The following TEX11 variants were observed in gnomAD, a reference collection of about 807,000 sequenced individuals.
TEX11 encodes testis-expressed protein 11.
A neutral mutation model predicts 84.4 loss-of-function variants in TEX11; 7 were observed. The observed-to-expected ratio is 0.08, with a 90% CI of 0.05 to 0.16. The LOEUF (loss-of-function observed/expected upper bound fraction) is 0.16, where lower values mean the gene tolerates loss of function less well. Ranked by LOEUF, TEX11 falls within the 10% of genes least tolerant of loss-of-function variation. TEX11 has a pLI of 1.00. For synonymous variants in TEX11, 264 were observed against 222.8 expected (o/e 1.18, Z -1.64); for missense variants, 551 against 660.5 (o/e 0.83, Z 1.82).
intron 7 of TEX11, among the ~76,000 whole-genome samples, chrX:70,851,819 T>C (rs1290633726): frequency 9.0e-6 from 1 of 111,440 alleles, no homozygotes; most frequent in Non-Finnish European, 1.9e-5. Context: ...CAGTGAAACA[T>C]GCAACAACAC....
chrX:70,679,177 G>A (rs1323557424), intron 14 of TEX11, among the ~76,000 whole-genome samples: 1 of 113,025 alleles, frequency 8.8e-6, no homozygotes, highest in Non-Finnish European at 1.9e-5. Context: ...CTAACCGCGA[G>A]TGATCCGCCA....
intron 9 of TEX11, among the ~76,000 whole-genome samples, chrX:70,761,232 C>G (rs914193106): frequency 8.9e-6 from 1 of 111,754 alleles, no homozygotes; most frequent in Non-Finnish European, 1.9e-5. Context: ...ACTAGAAATA[C>G]CATTTGACCC....
chrX:70,749,031 T>C (rs1220435052), intron 9 of TEX11, among the ~76,000 whole-genome samples: 4 of 101,927 alleles, frequency 3.9e-5, no homozygotes, highest in African/African-American at 1.6e-4. Flanking sequence ...ATTTTCACGA[T>C]ATCGATTCTT....
intron 4 of TEX11, among the ~76,000 whole-genome samples, chrX:70,865,721 T>C (rs1364118147): frequency 8.9e-6 from 1 of 111,867 alleles, no homozygotes; most frequent in Non-Finnish European, 1.9e-5. Flanking sequence ...AAATTAGAAC[T>C]CAGGATTAAG....
intron 28 of TEX11, among the ~76,000 whole-genome samples, chrX:70,548,915 G>C (rs896064417): frequency 2.7e-5 from 3 of 111,577 alleles, no homozygotes; most frequent in Non-Finnish European, 5.6e-5. Context: ...GCGACCTAGT[G>C]AGACACCAGC....
chrX:70,531,632 G>A (rs2087889859), intron 28 of TEX11, among the ~76,000 whole-genome samples: 2 of 111,401 alleles, frequency 1.8e-5, no homozygotes, highest in Admixed American at 1.9e-4. Flanking sequence ...GGAGATTTGT[G>A]GTTGCCAGGG....
intron 25 of TEX11, among the ~76,000 whole-genome samples, chrX:70,572,365 G>A (rs1269292381): frequency 9.0e-6 from 1 of 111,617 alleles, no homozygotes; most frequent in East Asian, 2.8e-4. Flanking sequence ...GTGCTGGAGA[G>A]GACGTGGAGA....
At chrX:70,777,483 C>G (rs1474996716) in intron 9 of TEX11, among the ~76,000 whole-genome samples, 1 of 111,081 alleles carries the variant, frequency 9.0e-6, no homozygotes, top group East Asian at 2.8e-4. Flanking sequence ...ACCCCCGTCT[C>G]TACTAAAAAT....
At chrX:70,879,918 C>T in intron 3 of TEX11, 70 bp downstream of exon 3, 1 of 908,750 alleles carries the variant, frequency 1.1e-6, no homozygotes, top group African/African-American at 2.0e-5. Flanking sequence ...ACTTTTTTAC[C>T]TATATAATAC....
At chrX:70,795,677 G>A (rs1282555207) in intron 9 of TEX11, among the ~76,000 whole-genome samples, 1 of 110,880 alleles carries the variant, frequency 9.0e-6, no homozygotes, top group African/African-American at 3.3e-5. Context: ...CAAGGGAAGA[G>A]AACAAAGAGT....
chrX:70,571,341 T>C (rs1204181999), intron 25 of TEX11, among the ~76,000 whole-genome samples: 1 of 112,275 alleles, frequency 8.9e-6, no homozygotes, highest in Non-Finnish European at 1.9e-5. Context: ...TTATATGTTA[T>C]TTTTCATTTC....
chrX:70,799,868 A>G (rs748855399), intron 9 of TEX11, among the ~76,000 whole-genome samples: 1 of 111,784 alleles, frequency 8.9e-6, no homozygotes, highest in Non-Finnish European at 1.9e-5. Context: ...TGAGATGTCT[A>G]TGGTGTTGGC....
At chrX:70,615,391 T>C (rs1262100504) in intron 20 of TEX11, among the ~76,000 whole-genome samples, 1 of 111,527 alleles carries the variant, frequency 9.0e-6, no homozygotes, top group Non-Finnish European at 1.9e-5. Context: ...AAAAATGCAA[T>C]TGAAGAATAT....
chrX:70,641,784 T>C (rs1404490417), intron 17 of TEX11, among the ~76,000 whole-genome samples: 11 of 108,808 alleles, frequency 1.0e-4, no homozygotes, highest in Non-Finnish European at 1.5e-4. Context: ...TAGAGGGAAA[T>C]TTATAGCACT....
At chrX:70,837,250 T>C (rs1013227923) in intron 7 of TEX11, among the ~76,000 whole-genome samples, 1 of 111,445 alleles carries the variant, frequency 9.0e-6, no homozygotes, top group Non-Finnish European at 1.9e-5. Context: ...TAGCATAGAA[T>C]TCTACATAGC....
intron 25 of TEX11, among the ~76,000 whole-genome samples, chrX:70,572,679 T>C (rs372658997): frequency 9.1e-6 from 1 of 109,889 alleles, no homozygotes; most frequent in Admixed American, 9.8e-5. Context: ...CCATAAAAAA[T>C]GATGAGTTCA....
chrX:70,784,394 A>C (rs4400531), intron 9 of TEX11, among the ~76,000 whole-genome samples: 1 of 110,300 alleles, frequency 9.1e-6, no homozygotes, highest in African/African-American at 3.3e-5. Context: ...GCAACAACTG[A>C]AAGCATTTCC....
chrX:70,700,100 T>C (rs1221533055), intron 13 of TEX11, among the ~76,000 whole-genome samples: 1 of 68,342 alleles, frequency 1.5e-5, no homozygotes, highest in African/African-American at 4.8e-5. Flanking sequence ...ACTTTACAGT[T>C]ACTAGTTTTT....
intron 13 of TEX11, among the ~76,000 whole-genome samples, chrX:70,720,458 T>C (rs144451926): frequency 0.069 from 7,505 of 109,335 alleles, 570 homozygotes; most frequent in African/African-American, 0.21. Flanking sequence ...ACATGGCACA[T>C]GTATACATAA....
Sources: gnomAD v4.1 joint callset for allele counts (sites outside exome capture counted in the v4.1 genomes callset) on GRCh38, gnomAD v4.1.1 for gene constraint, MANE v1.5 for transcripts, NCBI Gene and HGNC (gene_info 2026-07-23, HGNC 2026-07-21) for gene names.